The following WEE2 variants were observed in gnomAD, a reference collection of about 807,000 sequenced individuals.
The protein encoded by WEE2 is WEE2 oocyte meiosis inhibiting kinase.
Under a neutral mutation model 60.1 loss-of-function variants are expected in WEE2, and 50 were observed. The observed-to-expected ratio is 0.83, with a 90% CI of 0.66 to 1.05. WEE2 has a LOEUF of 1.05. Ranked by LOEUF, WEE2 falls within the 50% of genes least tolerant of loss-of-function variation. The pLI, the probability that WEE2 is intolerant of heterozygous loss-of-function variation, is 0.00. For synonymous variants in WEE2, 240 were observed against 241.0 expected (o/e 1.00, Z 0.04); for missense variants, 631 against 684.3 (o/e 0.92, Z 0.87).
chr7:141,717,924 G>A (rs1252956027), intron 3 of WEE2, among the ~76,000 whole-genome samples: 4 of 152,088 alleles, frequency 2.6e-5, no homozygotes, highest in African/African-American at 9.7e-5. Flanking sequence ...AGAAGGTCTT[G>A]AGGCTTTCTT....
In WEE2 at chr7:141,729,443, G is replaced by A. The variant is rs903434743; in HGVS notation, c.1536-88G>A. The A allele has an allele frequency of 2.6e-6, 4 of 1,557,458 alleles. No homozygotes were observed. The Admixed American group carries it at 5.1e-5, about 20-fold the overall frequency. ...TTCGTTTCTGTAAATACTGAAACAA[G>A]AAGAAAAACATTTATATATTAGTTT... is the stretch of plus-strand genomic sequence containing the variant. On this transcript the variant is annotated intron_variant, in intron 10 of 11. Transcript: ENST00000397541.
chr7:141,715,736 G>A (rs940096835), intron 2 of WEE2, among the ~76,000 whole-genome samples: 19 of 152,336 alleles, frequency 1.2e-4, no homozygotes, highest in Admixed American at 4.6e-4. Flanking sequence ...TGGTGTGGCA[G>A]TGAGGAGCAA....
chr7:141,718,170 G>C (rs1017698205), intron 3 of WEE2, among the ~76,000 whole-genome samples: 2 of 151,958 alleles, frequency 1.3e-5, no homozygotes, highest in Non-Finnish European at 2.9e-5. Context: ...TAAAACCCAA[G>C]ATTTTTCAAA....
chr7:141,719,098 G>C lies in WEE2; in HGVS notation c.612G>C (p.Met204Ile). 2 of 1,613,932 alleles carry C rather than the reference G, an allele frequency of 1.2e-6. No individual in the cohort carries two copies. Among genetic ancestry groups the C allele is most frequent in the Admixed American group, 3.3e-5 (2 of 60,002 alleles). The change falls in exon 4 of 12, where the codon ATG becomes ATC. Residue 204 changes from methionine (M) to isoleucine (I), a missense_variant. Coordinates refer to ENST00000397541, the MANE Select transcript of WEE2 (RefSeq NM_001105558.1). Reference protein sequence around the residue: ...AKRCVLRETNMASRYEKEFLE... With the variant: ...AKRCVLRETNIASRYEKEFLE... ...GATGTGTTTTACGAGAAACCAACAT[G>C]GCTTCCCGCTATGAAAAAGAATTCT...
rs45535636 is a variant in WEE2 at position 141,725,154 on chromosome 7, C to A, written c.1350C>A (p.Asp450Glu). 1.9e-6 allele frequency: 3 copies of A among 1,614,162 alleles called. No homozygotes were observed. The highest frequency in any genetic ancestry group is 1.7e-5 in the Admixed American group (1 of 60,030). The change falls in exon 9 of 12, where the codon GAC becomes GAA. Residue 450 changes from aspartate (D) to glutamate (E), a missense_variant. Coordinates refer to ENST00000397541, the MANE Select transcript of WEE2 (RefSeq NM_001105558.1). ...WHHIRKGNFPDVPQELSESFS... is the reference protein window; with the variant it reads ...WHHIRKGNFPEVPQELSESFS... ...ATATCCGCAAGGGTAACTTTCCGGA[C>A]GTTCCTCAGGAGCTCTCAGAAAGCT...
In WEE2 at chr7:141,724,469, T is replaced by A. The variant is rs574587597; in HGVS notation, c.1221+194T>A. On this transcript the variant is annotated intron_variant, in intron 8 of 11. Transcript: ENST00000397541. Reference sequence around the variant, plus strand: ...GAAAGCTGGCTCAGTCAAGGATGAATCAGTATTCAGACTATTCTTTCTAAA... The same window carrying A: ...GAAAGCTGGCTCAGTCAAGGATGAAACAGTATTCAGACTATTCTTTCTAAA... Among the ~76,000 whole-genome samples the A allele has an allele frequency of 2.4e-4, 36 of 152,356 alleles. 1 individual carries two copies. The highest frequency in any genetic ancestry group is 8.4e-4 in the African/African-American group (35 of 41,570).
Position 141,723,297 on chromosome 7 carries a change from T to C in WEE2, c.1027+17T>C. The C allele has an allele frequency of 6.2e-7, 1 of 1,611,144 alleles. No homozygotes were observed. Among genetic ancestry groups the C allele is most frequent in the Non-Finnish European group, 8.5e-7 (1 of 1,178,608 alleles). On this transcript the variant is annotated intron_variant, in intron 6 of 11. Transcript: ENST00000397541. Reference sequence around the variant, plus strand: ...TCAAACCTAGTCAGTGTGATTCCCTTCTGCCACTTCTACCGTATTTTGTTC... The same window carrying C: ...TCAAACCTAGTCAGTGTGATTCCCTCCTGCCACTTCTACCGTATTTTGTTC...
rs1219521278 is a variant in WEE2 at position 141,708,635 on chromosome 7, G to A, written c.-124G>A. On this transcript the variant is annotated 5_prime_UTR_variant, in exon 1 of 12. Transcript: ENST00000397541. The stretch of plus-strand genomic sequence containing the variant: ...GTTTTGTAGCTGTTAGTTGGTAGAG[G>A]GAAATTCAGGCTACCGTCGCGAAAC... The A allele has an allele frequency of 1.3e-6, 1 of 775,542 alleles. No individual in the cohort carries two copies. The highest frequency in any genetic ancestry group is 1.7e-5 in the African/African-American group (1 of 57,574). The allele number at this position is 775,542 out of a possible 1,614,324, so 48.0% of individuals were successfully genotyped here.
At position 141,720,985 on chromosome 7, in the gene WEE2, C is replaced by G. The variant is rs1431594870; in HGVS notation, c.809C>G (p.Pro270Arg). The G allele has an allele frequency of 6.2e-6, 10 of 1,614,112 alleles. No homozygotes were observed. The highest frequency in any genetic ancestry group is 8.5e-6 in the Non-Finnish European group (10 of 1,179,970). ...VYAHAVLGHH[P>R]HVVRYYSSWA... ...GCTCACGCAGTGCTTGGGCATCACC[C>G]CCATGTGGTACGTTACTATTCCTCA... The change falls in exon 5 of 12, where the codon CCC (proline) becomes CGC (arginine). Residue 270 changes from proline (P) to arginine (R), a missense_variant. By Grantham distance (103) the Pro-to-Arg change is moderately radical (BLOSUM62 -2). Coordinates refer to ENST00000397541, the MANE Select transcript of WEE2 (RefSeq NM_001105558.1).
Position 141,709,169 on chromosome 7 carries a change from G to A in WEE2, c.342+69G>A. The A allele has an allele frequency of 3.8e-6, 5 of 1,325,108 alleles. No individual in the cohort carries two copies. The South Asian group carries it at 5.2e-5, about 14-fold the overall frequency. The allele number at this position is 1,325,108 out of a possible 1,614,324, so 82.1% of individuals were successfully genotyped here. A position where few individuals can be genotyped will look rare whatever the true frequency, so the allele number is the denominator to read the frequency against. ...CTGCTTTCCTGTAGTTTAGCTGATA[G>A]AGTGGATTCATGTGTGTATGACAGT... is the stretch of plus-strand genomic sequence containing the variant. On this transcript the variant is annotated intron_variant, in intron 1 of 11. Transcript: ENST00000397541.
intron 1 of WEE2, among the ~76,000 whole-genome samples, chr7:141,710,008 G>T (rs547400906): frequency 6.6e-6 from 1 of 152,252 alleles, no homozygotes; most frequent in East Asian, 1.9e-4. Flanking sequence ...GGTCTCTTTA[G>T]TACCTGCTGG....
chr7:141,723,088 C>T (rs1319791690), intron 5 of WEE2, 46 bp from the exon 6 acceptor site: 27 of 1,609,068 alleles, frequency 1.7e-5, no homozygotes, highest in Non-Finnish European at 2.3e-5. Context: ...ATGCTTTCAT[C>T]TATAAGACTC....
At chr7:141,716,171 C>A in intron 2 of WEE2, 51 bp from the exon 3 acceptor site, 2 of 1,476,678 alleles carry the variant, frequency 1.4e-6, no homozygotes, top group Non-Finnish European at 1.9e-6. Flanking sequence ...CATAGTTCGG[C>A]CTCAATAAAT....
chr7:141,725,641 AAAG>A (rs1799003310), intron 9 of WEE2, among the ~76,000 whole-genome samples: 1 of 151,896 alleles, frequency 6.6e-6, no homozygotes, highest in Admixed American at 6.6e-5. Flanking sequence ...AAAAAAAAAA[AAAG>A]CAGGCAGCGG....
chr7:141,718,401 G>A (rs771774782), intron 3 of WEE2, among the ~76,000 whole-genome samples: 5 of 152,096 alleles, frequency 3.3e-5, no homozygotes, highest in Admixed American at 6.6e-5. Context: ...CCTGAAGAGT[G>A]TTGCCATGAT....
chr7:141,729,380 A>G (rs1799082761), intron 10 of WEE2, 151 bp from the exon 11 acceptor site: 3 of 1,075,864 alleles, frequency 2.8e-6, no homozygotes, highest in Non-Finnish European at 4.1e-6. Flanking sequence ...TGACAACCAT[A>G]GTAACTGAAT....
rs149938096 is a variant in WEE2, at chr7:141,714,835, T to C, written c.539+430T>C. Among the ~76,000 whole-genome samples the C allele has an allele frequency of 2.5e-3, 377 of 152,282 alleles. 3 individuals are homozygous for C. Among genetic ancestry groups the C allele is most frequent in the African/African-American group, 8.8e-3 (367 of 41,552 alleles). On this transcript the variant is annotated intron_variant, in intron 2 of 11. Coordinates refer to ENST00000397541, the MANE Select transcript of WEE2 (RefSeq NM_001105558.1). ...TAGAGCAAGGATTTGAACTTCTCTGTGGGTGATGGAAGATTGGCTGAAGCA... is the reference window on the plus strand; with the variant it reads ...TAGAGCAAGGATTTGAACTTCTCTGCGGGTGATGGAAGATTGGCTGAAGCA...
In WEE2 at chr7:141,711,239, T is replaced by C. The variant is rs1359842376; in HGVS notation, c.342+2139T>C. On this transcript the variant is annotated intron_variant, in intron 1 of 11. Coordinates refer to ENST00000397541, the MANE Select transcript of WEE2 (RefSeq NM_001105558.1). The surrounding 1 kb of genome is among the most constrained non-coding windows in gnomAD (Gnocchi z 4.2). ...AATCCGTATTTGGATATCTACAGCA[T>C]TTAGGAAGTAGTTGAGGCCATGGGT... 2.6e-5 allele frequency among the ~76,000 whole-genome samples: 4 copies of C among 152,080 alleles called. No homozygotes were observed. Among genetic ancestry groups the C allele is most frequent in the Non-Finnish European group, 2.9e-5 (2 of 68,012 alleles).
chr7:141,719,120 T>C lies in WEE2; in HGVS notation c.634T>C (p.Phe212Leu). 2 of 1,614,090 alleles carry C rather than the reference T, an allele frequency of 1.2e-6. No homozygotes were observed. The highest frequency in any genetic ancestry group is 1.7e-6 in the Non-Finnish European group (2 of 1,180,002). ...CATGGCTTCCCGCTATGAAAAAGAA[T>C]TCTTGGAGGTTGAAAAAATTGGGGT... The part of the protein sequence containing the change: ...TNMASRYEKE[F>L]LEVEKIGVGE... Residue 212 changes from phenylalanine to leucine, a missense_variant, in exon 4 of 12, where the codon TTC (phenylalanine) becomes CTC (leucine). Physicochemically the swap from Phe to Leu is conservative, Grantham distance 22 (BLOSUM62 0). Coordinates refer to ENST00000397541, the MANE Select transcript of WEE2 (RefSeq NM_001105558.1).
Sources: allele counts gnomAD v4.1 joint callset (sites outside exome capture counted in the v4.1 genomes callset), GRCh38; gene constraint gnomAD v4.1.1; non-coding constraint Gnocchi (gnomAD v3.1); transcripts MANE v1.5; gene names NCBI Gene and HGNC (gene_info 2026-07-23, HGNC 2026-07-21).